The following MTA3 variants were observed in gnomAD, a reference collection of about 807,000 sequenced individuals.
The protein encoded by MTA3 is metastasis associated 1 family member 3.
In MTA3, 34 loss-of-function variants were observed where a neutral mutation model predicts 83.5. That is an observed-to-expected ratio of 0.41 (90% CI 0.31 to 0.54). MTA3 has a LOEUF of 0.54. MTA3 is among the 20% of genes least tolerant of loss of function. MTA3 has a pLI of 0.33. For synonymous variants in MTA3, 303 were observed against 252.7 expected, an observed-to-expected ratio of 1.20 and a Z score of -1.89; for missense variants, 761 against 726.4, an observed-to-expected ratio of 1.05 and a Z score of -0.55.
intron 2 of MTA3, among the ~76,000 whole-genome samples, chr2:42,528,897 A>T (rs1369431272): frequency 6.6e-6 from 1 of 152,230 alleles, no homozygotes; most frequent in East Asian, 1.9e-4. Context: ...TGACACACAG[A>T]AACAGCTGGA....
intron 4 of MTA3, among the ~76,000 whole-genome samples, chr2:42,635,455 C>G (rs1056929438): frequency 6.6e-6 from 1 of 152,034 alleles, no homozygotes; most frequent in Non-Finnish European, 1.5e-5. Flanking sequence ...TGGTGAAACC[C>G]CGTCTTTACT....
chr2:42,516,069 C>T (rs1221870206), intron 2 of MTA3, among the ~76,000 whole-genome samples: 1 of 151,874 alleles, frequency 6.6e-6, no homozygotes, highest in Non-Finnish European at 1.5e-5. Context: ...CACCCGCCAC[C>T]ACGCCCAGCT....
In MTA3 at chr2:42,568,642, A is replaced by AGCAGCGACGGCGGCGGCG. The variant is rs1572997635; in HGVS notation, c.-97_-80dup. On this transcript the variant is annotated 5_prime_UTR_variant, in exon 1 of 17. Coordinates refer to ENST00000405094, the MANE Select transcript of MTA3 (RefSeq NM_001330442.2). ...CCTCCCTTCCCCCCCGTGGCGAGGCAGCAGCGACGGCGGCGGCGGCAGCGG... is the reference window on the plus strand; with the variant it reads ...CCTCCCTTCCCCCCCGTGGCGAGGCAGCAGCGACGGCGGCGGCGGCAGCGACGGCGGCGGCGGCAGCGG... 2 of 376,190 alleles carry AGCAGCGACGGCGGCGGCG rather than the reference A, an allele frequency of 5.3e-6. No homozygotes were observed. Among genetic ancestry groups the AGCAGCGACGGCGGCGGCG allele is most frequent in the Non-Finnish European group, 7.2e-6 (2 of 277,688 alleles). 23.3% of individuals were successfully genotyped at this position (376,190 alleles called of 1,614,324 possible). A position where few individuals can be genotyped will look rare whatever the true frequency, so the allele number is the denominator to read the frequency against.
At chr2:42,640,600 T>C (rs1200706554) in intron 5 of MTA3, among the ~76,000 whole-genome samples, 3 of 152,218 alleles carry the variant, frequency 2.0e-5, no homozygotes, top group African/African-American at 7.2e-5. Flanking sequence ...GTTTTTCTTT[T>C]AGACTGTTTC....
intron 6 of MTA3, among the ~76,000 whole-genome samples, chr2:42,645,254 G>C (rs1688069634): frequency 6.6e-6 from 1 of 151,340 alleles, no homozygotes; most frequent in African/African-American, 2.4e-5. Context: ...GCTGGGTGCA[G>C]TGGCTCATGC....
chr2:42,667,411 C>G lies in MTA3; in HGVS notation c.702+7549C>G, dbSNP rs116798971. ...TCCCCATTAAACTCTAACTCTCCATCCCCTCTGCCCTCTAGCCACTACCCT... is the reference window on the plus strand; with the variant it reads ...TCCCCATTAAACTCTAACTCTCCATGCCCTCTGCCCTCTAGCCACTACCCT... On this transcript the variant is annotated intron_variant, in intron 8 of 16. Transcript: ENST00000405094. 2.9e-3 allele frequency among the ~76,000 whole-genome samples: 434 copies of G among 152,204 alleles called. 1 individual carries two copies. The highest frequency in any genetic ancestry group is 9.8e-3 in the African/African-American group (409 of 41,528).
At chr2:42,615,689 A>G (rs1431807647) in intron 4 of MTA3, among the ~76,000 whole-genome samples, 1 of 139,448 alleles carries the variant, frequency 7.2e-6, no homozygotes, top group Non-Finnish European at 1.5e-5. Flanking sequence ...ATAAGTCACC[A>G]CAGATACTTG....
At chr2:42,653,353 G>C (rs1433935966) in intron 6 of MTA3, among the ~76,000 whole-genome samples, 1 of 152,126 alleles carries the variant, frequency 6.6e-6, no homozygotes, top group Non-Finnish European at 1.5e-5. Flanking sequence ...ATTAATCTTT[G>C]TTCAGTTTTT....
rs543342972 is a variant in MTA3, at chr2:42,512,015, T to C, written c.-141+16761T>C. On this transcript the variant is annotated intron_variant, in intron 2 of 17. Transcript: ENST00000405592. Reference sequence around the variant, plus strand: ...CTGGGCGACAGAGCGAGACTCCATCTCAAAAAAAATAAATAAATAAATAAA... The same window carrying C: ...CTGGGCGACAGAGCGAGACTCCATCCCAAAAAAAATAAATAAATAAATAAA... Among the ~76,000 whole-genome samples the C allele has an allele frequency of 7.9e-5, 12 of 151,618 alleles. No homozygotes were observed. In the South Asian group the frequency reaches 1.5e-3, roughly 18 times the overall value.
intron 8 of MTA3, among the ~76,000 whole-genome samples, chr2:42,674,662 G>A (rs1367523038): frequency 1.4e-5 from 2 of 142,864 alleles, no homozygotes; most frequent in African/African-American, 5.3e-5. Flanking sequence ...GCAGTGGCCC[G>A]ATCTCAGCTC....
chr2:42,560,556 A>C (rs996955467), intron 2 of MTA3, among the ~76,000 whole-genome samples: 20 of 151,384 alleles, frequency 1.3e-4, no homozygotes, highest in African/African-American at 4.4e-4. Context: ...CATCTTAAAA[A>C]AAAAAACAAA....
intron 4 of MTA3, among the ~76,000 whole-genome samples, chr2:42,622,817 A>C (rs1263904185): frequency 6.6e-6 from 1 of 152,184 alleles, no homozygotes; most frequent in African/African-American, 2.4e-5. Flanking sequence ...CTTGAGAACA[A>C]AAGTTTTGAG....
intron 2 of MTA3, among the ~76,000 whole-genome samples, chr2:42,540,634 A>C (rs1389140943): frequency 6.6e-6 from 1 of 151,818 alleles, no homozygotes; most frequent in Non-Finnish European, 1.5e-5. Flanking sequence ...CAGGCGTTCA[A>C]GACCAGCCTG....
chr2:42,706,061 C>G (rs954864457), intron 12 of MTA3, among the ~76,000 whole-genome samples: 33 of 151,676 alleles, frequency 2.2e-4, no homozygotes, highest in Non-Finnish European at 3.8e-4. Context: ...ATTTAGAATT[C>G]AAAATAGATT....
chr2:42,662,732 CTTTTT>C (rs35392554), intron 8 of MTA3, among the ~76,000 whole-genome samples: 2 of 123,276 alleles, frequency 1.6e-5, no homozygotes, highest in African/African-American at 3.1e-5. Flanking sequence ...TATATAAATA[CTTTTT>C]TTTTTTTTTT....
chr2:42,605,236 C>T (rs1442204275), intron 3 of MTA3, among the ~76,000 whole-genome samples: 5 of 124,490 alleles, frequency 4.0e-5, no homozygotes, highest in Non-Finnish European at 6.9e-5. Context: ...ACCTCCCTCC[C>T]GGACGGGGCG....
intron 5 of MTA3, among the ~76,000 whole-genome samples, chr2:42,642,586 A>C (rs1039615565): frequency 6.6e-6 from 1 of 152,212 alleles, no homozygotes; most frequent in Admixed American, 6.5e-5. Flanking sequence ...AAAGCAAAAC[A>C]AAAAAATCAA....
At chr2:42,666,676 A>G (rs1421569666) in intron 8 of MTA3, among the ~76,000 whole-genome samples, 9 of 152,106 alleles carry the variant, frequency 5.9e-5, no homozygotes, top group Admixed American at 2.6e-4. Context: ...CATTTTTGTG[A>G]TTATTTTGTG....
intron 16 of MTA3, among the ~76,000 whole-genome samples, chr2:42,735,099 T>C (rs1384750903): frequency 6.6e-6 from 1 of 152,214 alleles, no homozygotes; most frequent in East Asian, 1.9e-4. Flanking sequence ...ATTAATGTCT[T>C]TTTCTTTCAG....
Sources: gnomAD v4.1 joint callset for allele counts (sites outside exome capture counted in the v4.1 genomes callset) on GRCh38, gnomAD v4.1.1 for gene constraint, MANE v1.5 for transcripts, NCBI Gene and HGNC (gene_info 2026-07-23, HGNC 2026-07-21) for gene names.